Variants in CDH13 observed in about 807,000 individuals in gnomAD.
CDH13 encodes the protein cadherin-13.
A neutral mutation model predicts 63.8 loss-of-function variants in CDH13; 24 were observed. That is an observed-to-expected ratio of 0.38 (90% CI 0.27 to 0.53). The LOEUF (loss-of-function observed/expected upper bound fraction) is 0.53, where lower values mean the gene tolerates loss of function less well. CDH13 is among the 20% of genes least tolerant of loss of function. The pLI, the probability that CDH13 is intolerant of heterozygous loss-of-function variation, is 0.85. For synonymous variants in CDH13, 503 were observed against 355.3 expected, an observed-to-expected ratio of 1.42 and a Z score of -4.67; for missense variants, 1,049 against 903.1, an observed-to-expected ratio of 1.16 and a Z score of -2.07.
At chr16:82,657,600 C>T (rs892182529) in intron 1 of CDH13, among the ~76,000 whole-genome samples, 6 of 152,122 alleles carry the variant, frequency 3.9e-5, no homozygotes, top group African/African-American at 1.4e-4. Context: ...AGAAAGCAAA[C>T]CTTGGAGAAA....
chr16:83,046,567 A>G (rs1474522236), intron 3 of CDH13, among the ~76,000 whole-genome samples: 1 of 152,206 alleles, frequency 6.6e-6, no homozygotes, highest in African/African-American at 2.4e-5. Flanking sequence ...ATCACATCTT[A>G]TAGCTCTTAG....
chr16:83,502,428 T>A (rs1266689822), intron 7 of CDH13, among the ~76,000 whole-genome samples: 4 of 152,126 alleles, frequency 2.6e-5, no homozygotes, highest in Non-Finnish European at 5.9e-5. Flanking sequence ...TCAGAAGGAT[T>A]GCAGCTCTGC....
intron 2 of CDH13, among the ~76,000 whole-genome samples, chr16:82,983,831 GT>G (rs1172187985): frequency 6.6e-6 from 1 of 152,246 alleles, no homozygotes; most frequent in Non-Finnish European, 1.5e-5. Flanking sequence ...GGGACTGACT[GT>G]AAGGGGGAAA....
At position 83,490,048 on chromosome 16, in the gene CDH13, C is replaced by CACACACACACAG. The variant is rs530046272; in HGVS notation, c.960+3394_960+3395insCACACACACAGA. On this transcript the variant is annotated intron_variant, in intron 7 of 13. Transcript: ENST00000567109. ...ACACACACACACACACACACACACACAGCTCACCAGCACCTCTGGCTCTCA... is the reference window on the plus strand; with the variant it reads ...ACACACACACACACACACACACACACACACACACACAGAGCTCACCAGCACCTCTGGCTCTCA... Among the ~76,000 whole-genome samples the CACACACACACAG allele has an allele frequency of 5.5e-4, 83 of 150,268 alleles. 1 individual carries two copies. Among genetic ancestry groups the CACACACACACAG allele is most frequent in the South Asian group, 4.9e-3 (23 of 4,736 alleles).
intron 1 of CDH13, among the ~76,000 whole-genome samples, chr16:82,842,869 C>T (rs1048720104): frequency 6.6e-6 from 1 of 152,130 alleles, no homozygotes; most frequent in African/African-American, 2.4e-5. Flanking sequence ...AAGGAGCATG[C>T]AACCTAGATC....
chr16:83,186,935 T>C (rs1045788958), intron 4 of CDH13, among the ~76,000 whole-genome samples: 3 of 152,102 alleles, frequency 2.0e-5, no homozygotes, highest in Admixed American at 6.5e-5. Context: ...TTAATGAAAA[T>C]TGTAACCTAT....
intron 1 of CDH13, among the ~76,000 whole-genome samples, chr16:82,640,003 A>C (rs772159327): frequency 6.6e-6 from 1 of 152,248 alleles, no homozygotes; most frequent in Non-Finnish European, 1.5e-5. Flanking sequence ...CACAATTCTC[A>C]GCATTGAGGG....
intron 1 of CDH13, among the ~76,000 whole-genome samples, chr16:82,667,356 C>T (rs970985791): frequency 6.6e-6 from 1 of 152,284 alleles, no homozygotes; most frequent in Non-Finnish European, 1.5e-5. Context: ...AGCTGGCCAT[C>T]CCCAAGTGCA....
chr16:83,020,993 G>A (rs1315684438), intron 2 of CDH13, among the ~76,000 whole-genome samples: 2 of 152,218 alleles, frequency 1.3e-5, no homozygotes, highest in Non-Finnish European at 2.9e-5. Context: ...TTCAGAAGGA[G>A]ACTTTTACAC....
At chr16:82,775,411 T>A (rs2035449443) in intron 1 of CDH13, among the ~76,000 whole-genome samples, 1 of 152,216 alleles carries the variant, frequency 6.6e-6, no homozygotes, top group African/African-American at 2.4e-5. Context: ...CTTCTCTGAC[T>A]TTTACTTTTC....
intron 3 of CDH13, among the ~76,000 whole-genome samples, chr16:83,090,092 C>G (rs1437427254): frequency 6.6e-6 from 1 of 152,152 alleles, no homozygotes; most frequent in Non-Finnish European, 1.5e-5. Flanking sequence ...AGATTTGAGG[C>G]TTTGACTGGT....
Position 83,618,474 on chromosome 16 carries a change from T to C in CDH13, c.1101+15880T>C, listed in dbSNP as rs79108684. Among the ~76,000 whole-genome samples, 508 of 149,962 alleles carry C rather than the reference T, an allele frequency of 3.4e-3. 6 individuals are homozygous for C. The highest frequency in any genetic ancestry group is 0.012 in the African/African-American group (485 of 40,778). On this transcript the variant is annotated intron_variant, in intron 8 of 13. Transcript: ENST00000567109. Reference sequence around the variant, plus strand: ...CTAGGAAGGCATCTCATTCAATACATAGTTTTATAGATGAGGGGTCCTGCT... The same window carrying C: ...CTAGGAAGGCATCTCATTCAATACACAGTTTTATAGATGAGGGGTCCTGCT...
chr16:82,812,836 T>C (rs967786997), intron 1 of CDH13, among the ~76,000 whole-genome samples: 4 of 99,364 alleles, frequency 4.0e-5, no homozygotes, highest in African/African-American at 2.1e-4. Flanking sequence ...CCTCCCTTCC[T>C]TCCTCCCTTC....
At chr16:83,782,090 TC>T (rs1471055290) in intron 12 of CDH13, among the ~76,000 whole-genome samples, 1 of 152,178 alleles carries the variant, frequency 6.6e-6, no homozygotes, top group Non-Finnish European at 1.5e-5. Context: ...TATTTTTATT[TC>T]CCTGTCATTA....
At chr16:83,544,314 G>A (rs1475801970) in intron 7 of CDH13, among the ~76,000 whole-genome samples, 1 of 151,726 alleles carries the variant, frequency 6.6e-6, no homozygotes, top group South Asian at 2.1e-4. Context: ...GTGTAGTCTG[G>A]GTTTACATTT....
intron 2 of CDH13, among the ~76,000 whole-genome samples, chr16:82,942,819 A>T (rs1426497801): frequency 6.6e-6 from 1 of 152,192 alleles, no homozygotes; most frequent in African/African-American, 2.4e-5. Context: ...AGGTTTCCCA[A>T]TAGATCCACC....
intron 2 of CDH13, among the ~76,000 whole-genome samples, chr16:82,901,019 G>T (rs1472659327): frequency 6.6e-6 from 1 of 151,926 alleles, no homozygotes; most frequent in Non-Finnish European, 1.5e-5. Context: ...GGTTCTTGGA[G>T]ATCAAGTTAA....
intron 1 of CDH13, among the ~76,000 whole-genome samples, chr16:82,830,653 G>C (rs765745698): frequency 6.6e-6 from 1 of 152,214 alleles, no homozygotes; most frequent in Non-Finnish European, 1.5e-5. Context: ...TGTCTTCTCA[G>C]TTTGACATGC....
intron 4 of CDH13, among the ~76,000 whole-genome samples, chr16:83,215,094 T>TTTTTTTTTTTG (rs71148820): frequency 6.9e-6 from 1 of 143,964 alleles, no homozygotes. Flanking sequence ...TTTTTTTTTT[T>TTTTTTTTTTTG]GAGATGGAGT....
Sources: allele counts gnomAD v4.1 joint callset (sites outside exome capture counted in the v4.1 genomes callset), GRCh38; gene constraint gnomAD v4.1.1; transcripts MANE v1.5; gene names NCBI Gene and HGNC (gene_info 2026-07-23, HGNC 2026-07-21).